The following ASAP1 variants were observed in gnomAD, a reference collection of about 807,000 sequenced individuals.
ASAP1 encodes the protein ArfGAP with SH3 domain, ankyrin repeat and PH domain 1.
Under a neutral mutation model 145.2 loss-of-function variants are expected in ASAP1, and 43 were observed. The observed-to-expected ratio is 0.30, with a 90% CI of 0.23 to 0.38. The LOEUF (loss-of-function observed/expected upper bound fraction) is 0.38, where lower values mean the gene tolerates loss of function less well. Among genes scored for constraint, ASAP1 ranks in the 10% least tolerant of loss-of-function variants. The probability of loss-of-function intolerance (pLI) is 1.00; values close to 1 mark genes in which losing one functional copy is unlikely to be tolerated. For synonymous variants in ASAP1, 546 were observed against 515.5 expected (o/e 1.06, Z -0.80); for missense variants, 1,018 against 1,355.3 (o/e 0.75, Z 3.91).
At position 130,182,331 on chromosome 8, in the gene ASAP1, G is replaced by A. The variant is rs145083399; in HGVS notation, c.531-1451C>T. Among the ~76,000 whole-genome samples, 14 of 152,298 alleles carry A rather than the reference G, an allele frequency of 9.2e-5. No individual in the cohort carries two copies. In the East Asian group the frequency reaches 2.1e-3, roughly 23 times the overall value. The stretch of plus-strand genomic sequence containing the variant: ...AGAATTGAAGACAAAAAAGGATGAC[G>A]GAATTCAATAAATATTTGGAAGAGC... On this transcript the variant is annotated intron_variant, in intron 7 of 29. Transcript: ENST00000518721.
At chr8:130,155,418 G>A (rs972902902) in intron 12 of ASAP1, among the ~76,000 whole-genome samples, 1 of 152,246 alleles carries the variant, frequency 6.6e-6, no homozygotes, top group Non-Finnish European at 1.5e-5. Context: ...CCAGGCTAGA[G>A]TGCAGTGGTG....
intron 3 of ASAP1, among the ~76,000 whole-genome samples, chr8:130,327,000 G>A (rs1565211494): frequency 6.6e-6 from 1 of 152,284 alleles, no homozygotes; most frequent in East Asian, 1.9e-4. Flanking sequence ...ATTTAGATAT[G>A]AATAACTGGA....
In ASAP1 at chr8:130,111,210, C is replaced by CAAAA. The variant is rs768575084; in HGVS notation, c.2401+880_2401+883dup. The stretch of plus-strand genomic sequence containing the variant: ...CAACATAGCAAGACCTCATCTCTAC[C>CAAAA]AAAAAAAAAAAAAAAAAAAAAAAAA... On this transcript the variant is annotated intron_variant, in intron 24 of 29. Transcript: ENST00000518721. 4.6e-3 allele frequency among the ~76,000 whole-genome samples: 191 copies of CAAAA among 41,698 alleles called. 21 individuals carry two copies. Among genetic ancestry groups the CAAAA allele is most frequent in the South Asian group, 0.02 (11 of 564 alleles). The allele number at this position is 41,698 out of a possible 152,430, so 27.4% of individuals were successfully genotyped here.
chr8:130,085,495 G>A (rs2097490593), intron 25 of ASAP1, among the ~76,000 whole-genome samples: 1 of 152,168 alleles, frequency 6.6e-6, no homozygotes, highest in Non-Finnish European at 1.5e-5. Flanking sequence ...AGCACTTTGG[G>A]AGGTCAAGGC....
Position 130,093,666 on chromosome 8 carries a change from C to CAAAAA in ASAP1, c.2402-1528_2402-1524dup, listed in dbSNP as rs71572317. Reference sequence around the variant, plus strand: ...TGGCTGTCACAGCGAGACTCCGTCTCAAAAAAAAAAAAAAAAAAAAAAAGA... The same window carrying CAAAAA: ...TGGCTGTCACAGCGAGACTCCGTCTCAAAAAAAAAAAAAAAAAAAAAAAAAAAAGA... On this transcript the variant is annotated intron_variant, in intron 24 of 29. Coordinates refer to ENST00000518721, the MANE Select transcript of ASAP1 (RefSeq NM_018482.4). 8.9e-3 allele frequency among the ~76,000 whole-genome samples: 454 copies of CAAAAA among 51,136 alleles called. 1 individual carries two copies. The highest frequency in any genetic ancestry group is 0.015 in the Middle Eastern group (1 of 68). The allele number at this position is 51,136 out of a possible 152,430, so 33.5% of individuals were successfully genotyped here.
chr8:130,110,906 G>A (rs1012587266), intron 24 of ASAP1, among the ~76,000 whole-genome samples: 1 of 152,152 alleles, frequency 6.6e-6, no homozygotes, highest in Non-Finnish European at 1.5e-5. Context: ...AGCACGAGCT[G>A]AGCACACAGG....
intron 2 of ASAP1, among the ~76,000 whole-genome samples, chr8:130,387,586 G>C: frequency 6.9e-6 from 1 of 145,332 alleles, no homozygotes; most frequent in Middle Eastern, 3.3e-3. Context: ...TTAACTACTT[G>C]TATACATATA....
intron 2 of ASAP1, among the ~76,000 whole-genome samples, chr8:130,396,545 G>A (rs1828539428): frequency 6.6e-6 from 1 of 152,250 alleles, no homozygotes; most frequent in African/African-American, 2.4e-5. Context: ...TTTCGCAGCA[G>A]AACTTGAATA....
chr8:130,199,429 G>C (rs564674995), intron 5 of ASAP1, among the ~76,000 whole-genome samples: 1 of 152,296 alleles, frequency 6.6e-6, no homozygotes, highest in South Asian at 2.1e-4. Context: ...ATGGGGGAAG[G>C]GGCTAGATTC....
chr8:130,438,251 C>T (rs1173317370), intron 1 of ASAP1, among the ~76,000 whole-genome samples: 1 of 152,196 alleles, frequency 6.6e-6, no homozygotes, highest in Non-Finnish European at 1.5e-5. Context: ...AGCAACGTGG[C>T]TACACAGCAC....
intron 24 of ASAP1, among the ~76,000 whole-genome samples, chr8:130,103,190 T>A (rs894865525): frequency 1.3e-5 from 2 of 152,176 alleles, no homozygotes; most frequent in Non-Finnish European, 2.9e-5. Context: ...GTTTCCTAAT[T>A]TGCTGGCCTA....
intron 6 of ASAP1, among the ~76,000 whole-genome samples, chr8:130,187,807 C>T (rs893658569): frequency 9.2e-5 from 14 of 152,210 alleles, no homozygotes; most frequent in Admixed American, 3.3e-4. Flanking sequence ...AGCAGGAGCC[C>T]GAGGTTCAGA....
rs74484327 is a variant in ASAP1 at position 130,117,307 on chromosome 8, A to G, written c.1881-312T>C. On this transcript the variant is annotated intron_variant, in intron 20 of 29. Transcript: ENST00000518721. ...CGCTTTTACAGATAAAAAACCCTGA[A>G]GCGCAGAGAGGCTGAAGTGCTTGCT... is the stretch of plus-strand genomic sequence containing the variant. 5.8e-3 allele frequency among the ~76,000 whole-genome samples: 890 copies of G among 152,342 alleles called. 36 individuals are homozygous for G. In the East Asian group the frequency reaches 0.11, roughly 18 times the overall value.
At chr8:130,382,961 T>C (rs1827849971) in intron 2 of ASAP1, among the ~76,000 whole-genome samples, 1 of 152,066 alleles carries the variant, frequency 6.6e-6, no homozygotes. Flanking sequence ...CAGGGATGCA[T>C]GGGAGTGTGC....
intron 2 of ASAP1, among the ~76,000 whole-genome samples, chr8:130,364,638 C>T (rs1826867607): frequency 6.6e-6 from 1 of 152,184 alleles, no homozygotes; most frequent in South Asian, 2.1e-4. Context: ...AAGCCCAATT[C>T]AAATGCAAGC....
intron 1 of ASAP1, among the ~76,000 whole-genome samples, chr8:130,441,720 G>A (rs1354961271): frequency 6.6e-6 from 1 of 152,200 alleles, no homozygotes; most frequent in Non-Finnish European, 1.5e-5. Flanking sequence ...GCTGTGGCTG[G>A]TGAGGACTGG....
At chr8:130,437,296 T>A (rs1345090836) in intron 1 of ASAP1, among the ~76,000 whole-genome samples, 2 of 152,102 alleles carry the variant, frequency 1.3e-5, no homozygotes, top group Non-Finnish European at 2.9e-5. Flanking sequence ...CCAATCCCCT[T>A]CAAGATGCCC....
chr8:130,266,613 T>A, intron 3 of ASAP1, among the ~76,000 whole-genome samples: 1 of 151,058 alleles, frequency 6.6e-6, no homozygotes, highest in African/African-American at 2.4e-5. Flanking sequence ...TCCAAAAATA[T>A]AAAAACATGA....
In ASAP1 at chr8:130,060,975, T is replaced by C; in HGVS notation, c.2796A>G (p.Gln932=). 6.3e-7 allele frequency: 1 copy of C among 1,591,712 alleles called. No individual in the cohort carries two copies. The highest frequency in any genetic ancestry group is 8.5e-7 in the Non-Finnish European group (1 of 1,170,788). The part of the protein sequence containing the change: ...QKSSQLAELP[Q]KPPPGDLPPK... ...GGGGCAGGTCTCCAGGTGGTGGCTT[T>C]TGTGGCAACTCTGCCAACTGTGATG... The change falls in exon 28 of 30, where the codon CAA becomes CAG. Residue 932 remains glutamine, a synonymous_variant. Transcript: ENST00000518721.
Sources: gnomAD v4.1 joint callset for allele counts (sites outside exome capture counted in the v4.1 genomes callset) on GRCh38, gnomAD v4.1.1 for gene constraint, MANE v1.5 for transcripts, NCBI Gene and HGNC (gene_info 2026-07-23, HGNC 2026-07-21) for gene names.